Variants in CDC42EP3 observed in about 807,000 individuals in gnomAD.
CDC42EP3 encodes the protein CDC42 effector protein (Rho GTPase binding) 3.
A neutral mutation model predicts 15.5 loss-of-function variants in CDC42EP3; 4 were observed. That is an observed-to-expected ratio of 0.26 (90% confidence interval 0.13 to 0.59). The LOEUF (loss-of-function observed/expected upper bound fraction) is 0.59. Among genes scored for constraint, CDC42EP3 ranks in the 20% least tolerant of loss-of-function variants. The pLI, the probability that CDC42EP3 is intolerant of heterozygous loss-of-function variation, is 0.89. For synonymous variants in CDC42EP3, 145 were observed against 130.3 expected (o/e 1.11, Z -0.77); for missense variants, 309 against 311.2 (o/e 0.99, Z 0.05).
Position 37,643,921 on chromosome 2 carries a change from G to C in CDC42EP3, c.*1902C>G, listed in dbSNP as rs1374467380. 6.6e-6 allele frequency: 1 copy of C among 151,866 alleles called. No homozygotes were observed. Among genetic ancestry groups the C allele is most frequent in the Admixed American group, 6.6e-5 (1 of 15,256 alleles). The allele number at this position is 151,866 out of a possible 1,614,324, so 9.4% of individuals were successfully genotyped here. ...CCTAGGGCAAGCTTGTCCAACCTGT[G>C]GCCCGCATGAAGTCCAACACAAATT... On this transcript the variant is annotated 3_prime_UTR_variant, in exon 2 of 2. Transcript: ENST00000295324.
chr2:37,650,764 A>C (rs1665647296), intron 1 of CDC42EP3, among the ~76,000 whole-genome samples: 1 of 152,212 alleles, frequency 6.6e-6, no homozygotes, highest in African/African-American at 2.4e-5. Context: ...TTAAAACACA[A>C]ATGTGTGGCA....
chr2:37,649,904 G>C (rs887543604), intron 1 of CDC42EP3, among the ~76,000 whole-genome samples: 2 of 152,146 alleles, frequency 1.3e-5, no homozygotes, highest in South Asian at 2.1e-4. Context: ...TACTGGAGAA[G>C]ATACCTTCAG....
At position 37,646,238 on chromosome 2, in the gene CDC42EP3, G is replaced by A; in HGVS notation, c.350C>T (p.Ala117Val). ...ISLPTIGGSQ[A>V]LMLPLLSPVT... ...TGGTGACAATAAGGGCAACATGAGA[G>A]CTTGGGATCCTCCAATGGTCGGGAG... The change falls in exon 2 of 2, where the codon GCT (alanine) becomes GTT (valine). Residue 117 changes from alanine (A) to valine (V), a missense_variant. Physicochemically the swap from Ala to Val is moderately conservative, Grantham distance 64. Coordinates refer to ENST00000295324, the MANE Select transcript of CDC42EP3 (RefSeq NM_006449.5). 4 of 1,614,202 alleles carry A rather than the reference G, an allele frequency of 2.5e-6. No individual in the cohort carries two copies. The highest frequency in any genetic ancestry group is 3.4e-6 in the Non-Finnish European group (4 of 1,180,036).
In CDC42EP3 at chr2:37,642,340, A is replaced by C. The variant is rs1442089265; in HGVS notation, c.*3483T>G. The C allele has an allele frequency of 6.6e-6, 1 of 152,154 alleles. No homozygotes were observed. Among genetic ancestry groups the C allele is most frequent in the Non-Finnish European group, 1.5e-5 (1 of 68,038 alleles). The allele number at this position is 152,154 out of a possible 1,614,324, so 9.4% of individuals were successfully genotyped here. On this transcript the variant is annotated 3_prime_UTR_variant, in exon 2 of 2. Transcript: ENST00000295324. ...AATCTCATACAGCCAAACCAACCAG[A>C]AGGCTTCCCCGCTGGGTTGATGGTG... is the stretch of plus-strand genomic sequence containing the variant.
rs1019585099 is a variant in CDC42EP3 at position 37,671,004 on chromosome 2, C to T, written c.-236+422G>A. On this transcript the variant is annotated intron_variant, in intron 1 of 1. Coordinates refer to ENST00000295324, the MANE Select transcript of CDC42EP3 (RefSeq NM_006449.5). ...CATTAAGAAAGAGGAGGGCACCGGG[C>T]AGGCGATGCCACGGCAGAGCTGTGC... Among the ~76,000 whole-genome samples, 8 of 152,392 alleles carry T rather than the reference C, an allele frequency of 5.2e-5. No homozygotes were observed. The East Asian group carries it at 1.5e-3, about 29-fold the overall frequency.
At chr2:37,668,394 C>T (rs779904065) in intron 1 of CDC42EP3, among the ~76,000 whole-genome samples, 1 of 152,160 alleles carries the variant, frequency 6.6e-6, no homozygotes. Flanking sequence ...AGTACATAAT[C>T]TTTTTTAACT....
intron 1 of CDC42EP3, among the ~76,000 whole-genome samples, chr2:37,669,548 G>C (rs924635562): frequency 6.6e-6 from 1 of 152,324 alleles, no homozygotes; most frequent in East Asian, 1.9e-4. Context: ...AGAGATACGT[G>C]AAACAATTTC....
rs529988249 is a variant in CDC42EP3 at position 37,645,625 on chromosome 2, A to AAGAT, written c.*194_*197dup. On this transcript the variant is annotated 3_prime_UTR_variant, in exon 2 of 2. Transcript: ENST00000295324. ...CTCTGACTCACTTCCTTTTTTTGCC[A>AAGAT]AGATAGGTTTTGCTTTGTTGTTTTT... is the stretch of plus-strand genomic sequence containing the variant. 914 of 455,210 alleles carry AAGAT rather than the reference A, an allele frequency of 2.0e-3. 4 individuals are homozygous for AAGAT. The highest frequency in any genetic ancestry group is 2.8e-3 in the Non-Finnish European group (740 of 262,226). 28.2% of individuals were successfully genotyped at this position (455,210 alleles called of 1,614,324 possible).
At position 37,646,733 on chromosome 2, in the gene CDC42EP3, G is replaced by A; in HGVS notation, c.-146C>T. On this transcript the variant is annotated 5_prime_UTR_variant, in exon 2 of 2. Coordinates refer to ENST00000295324, the MANE Select transcript of CDC42EP3 (RefSeq NM_006449.5). ...AGAAGTGGCTTCGAAATGAGATGGG[G>A]TCAAAGAGAACCTTCCTGAGGTTAC... The A allele has an allele frequency of 1.3e-6, 1 of 786,170 alleles. No individual in the cohort carries two copies. Among genetic ancestry groups the A allele is most frequent in the Non-Finnish European group, 2.1e-6 (1 of 484,730 alleles). The allele number at this position is 786,170 out of a possible 1,614,324, so 48.7% of individuals were successfully genotyped here.
At chr2:37,662,217 G>A (rs1284860757) in intron 1 of CDC42EP3, among the ~76,000 whole-genome samples, 1 of 152,178 alleles carries the variant, frequency 6.6e-6, no homozygotes, top group Non-Finnish European at 1.5e-5. Flanking sequence ...GAGCCATGTA[G>A]TGACTCCCTT....
intron 1 of CDC42EP3, among the ~76,000 whole-genome samples, chr2:37,661,097 AGTGT>A (rs1272844829): frequency 6.6e-5 from 9 of 136,056 alleles, no homozygotes; most frequent in Non-Finnish European, 1.6e-5. Context: ...TACTATATAT[AGTGT>A]GTGTGTACAG....
chr2:37,665,764 G>A (rs542715656), intron 1 of CDC42EP3, among the ~76,000 whole-genome samples: 33 of 152,254 alleles, frequency 2.2e-4, no homozygotes, highest in African/African-American at 7.7e-4. Flanking sequence ...TGCTCAGGCT[G>A]CTCTGCCAGA....
Position 37,646,243 on chromosome 2 carries a change from G to C in CDC42EP3, c.345C>G (p.Ser115=), listed in dbSNP as rs181504307. 40 of 1,614,174 alleles carry C rather than the reference G, an allele frequency of 2.5e-5. No homozygotes were observed. The Admixed American group carries it at 6.3e-4, about 26-fold the overall frequency. ...NAISLPTIGG[S]QALMLPLLSP... Reference sequence around the variant, plus strand: ...ACAATAAGGGCAACATGAGAGCTTGGGATCCTCCAATGGTCGGGAGGGAGA... The same window carrying C: ...ACAATAAGGGCAACATGAGAGCTTGCGATCCTCCAATGGTCGGGAGGGAGA... Residue 115 remains serine, a synonymous_variant, in exon 2 of 2, where the codon TCC becomes TCG. Transcript: ENST00000295324.
At chr2:37,670,885 A>T (rs892983740) in intron 1 of CDC42EP3, among the ~76,000 whole-genome samples, 10 of 152,218 alleles carry the variant, frequency 6.6e-5, no homozygotes, top group Non-Finnish European at 1.3e-4. Context: ...AACAAAAAAC[A>T]AAAAACCTTG....
chr2:37,659,731 C>T (rs1301050748), intron 1 of CDC42EP3, among the ~76,000 whole-genome samples: 1 of 152,182 alleles, frequency 6.6e-6, no homozygotes, highest in Admixed American at 6.5e-5. Flanking sequence ...GAGAACTTGG[C>T]TCATTTGGCC....
At chr2:37,665,188 A>C (rs1391846675) in intron 1 of CDC42EP3, among the ~76,000 whole-genome samples, 1 of 152,162 alleles carries the variant, frequency 6.6e-6, no homozygotes, top group East Asian at 1.9e-4. Flanking sequence ...GATACAAGAC[A>C]CTATGGAAAT....
At chr2:37,671,664 G>C (rs1167316507), upstream of CDC42EP3, 2 of 152,212 alleles carry the variant, frequency 1.3e-5, no homozygotes, top group South Asian at 1.8e-4. Context: ...GGCCGGACGC[G>C]AGGACTGAAC....
At chr2:37,666,879 C>G (rs1351322777) in intron 1 of CDC42EP3, among the ~76,000 whole-genome samples, 1 of 150,168 alleles carries the variant, frequency 6.7e-6, no homozygotes, top group Non-Finnish European at 1.5e-5. Flanking sequence ...GCTACTTATT[C>G]TGGTTTGTGG....
At chr2:37,651,210 T>C (rs762011261) in intron 1 of CDC42EP3, among the ~76,000 whole-genome samples, 90 of 152,314 alleles carry the variant, frequency 5.9e-4, no homozygotes, top group Admixed American at 2.6e-3. Context: ...AACACACAAG[T>C]AATAATAGTG....
Sources: gnomAD v4.1 joint callset for allele counts (sites outside exome capture counted in the v4.1 genomes callset) on GRCh38, gnomAD v4.1.1 for gene constraint, MANE v1.5 for transcripts, NCBI Gene and HGNC (gene_info 2026-07-23, HGNC 2026-07-21) for gene names.